ARMC5: variants seen among roughly 807,000 people sequenced by gnomAD.
The protein encoded by ARMC5 is armadillo repeat-containing protein 5.
A neutral mutation model predicts 60.5 loss-of-function variants in ARMC5; 28 were observed. That is an observed-to-expected ratio of 0.46 (90% CI 0.34 to 0.63). The LOEUF is 0.63. Ranked by LOEUF, ARMC5 falls within the 30% of genes least tolerant of loss-of-function variation. The probability of loss-of-function intolerance (pLI) is 0.01; values close to 1 mark genes in which losing one functional copy is unlikely to be tolerated. For synonymous variants in ARMC5, 680 were observed against 607.3 expected (o/e 1.12, Z -1.76); for missense variants, 1,189 against 1,304.9 (o/e 0.91, Z 1.37).
At position 31,464,527 on chromosome 16, in the gene ARMC5, C is replaced by G; in HGVS notation, c.1504C>G (p.Arg502Gly). ...GACCCCGACCTCGCTGCGGGCACCA[C>G]GCACCCAACGCACTCCGGGCCGCAG... ...APTPTSLRAP[R>G]TQRTPGRSPA... Residue 502 changes from arginine (R) to glycine (G), a missense_variant, in exon 4 of 6, where the codon CGC (arginine) becomes GGC (glycine). This residue lies in a region of ARMC5 where 862 missense variants were observed against 1,071.2 expected (regional missense o/e 0.80). Coordinates refer to ENST00000268314, the MANE Select transcript of ARMC5 (RefSeq NM_001105247.2). The surrounding 1 kb of genome is among the most constrained non-coding windows in gnomAD (Gnocchi z 7.6). The G allele has an allele frequency of 6.3e-7, 1 of 1,598,470 alleles. No homozygotes were observed. Among genetic ancestry groups the G allele is most frequent in the Non-Finnish European group, 8.5e-7 (1 of 1,173,560 alleles).
At position 31,466,005 on chromosome 16, in the gene ARMC5, G is replaced by T; in HGVS notation, c.1997+23G>T. ...CCGGTGAGTGGGAAGTGGGTGCCTT[G>T]CGGGGTTGGGGGAGGAGTGCTGTGT... On this transcript the variant is annotated intron_variant, in intron 5 of 5. Coordinates refer to ENST00000268314, the MANE Select transcript of ARMC5 (RefSeq NM_001105247.2). The surrounding 1 kb of genome is among the most constrained non-coding windows in gnomAD (Gnocchi z 8.0). The T allele has an allele frequency of 6.3e-7, 1 of 1,598,284 alleles. No individual in the cohort carries two copies.
chr16:31,466,329 C>T lies in ARMC5; in HGVS notation c.2248C>T (p.Leu750=). 6.2e-7 allele frequency: 1 copy of T among 1,613,760 alleles called. No individual in the cohort carries two copies. The highest frequency in any genetic ancestry group is 8.5e-7 in the Non-Finnish European group (1 of 1,179,870). ...CCCAGCCCCTGTCCCAGCTCCCGACCTGCACTTCCTGCTGGACTCAGGCCT... is the reference window on the plus strand; with the variant it reads ...CCCAGCCCCTGTCCCAGCTCCCGACTTGCACTTCCTGCTGGACTCAGGCCT... The part of the protein sequence containing the change: ...LGPAPVPAPD[L]HFLLDSGLQL... Residue 750 remains leucine (L), a synonymous_variant, in exon 6 of 6, where the codon CTG becomes TTG. Coordinates refer to ENST00000268314, the MANE Select transcript of ARMC5 (RefSeq NM_001105247.2). This position sits in a 1 kb window ranked among gnomAD's most constrained non-coding sequence, Gnocchi z 8.0.
At chr16:31,463,163 A>G (rs2082320342) in intron 3 of ARMC5, among the ~76,000 whole-genome samples, 1 of 151,260 alleles carries the variant, frequency 6.6e-6, no homozygotes, top group African/African-American at 2.4e-5. Context: ...CAGTGGTGCC[A>G]TCTCCACTCA....
intron 1 of ARMC5, among the ~76,000 whole-genome samples, chr16:31,461,710 G>A (rs1467536755): frequency 6.6e-6 from 1 of 152,174 alleles, no homozygotes; most frequent in East Asian, 1.9e-4. Context: ...GTTTGGCCCC[G>A]TTGGCCAGGC....
upstream of ARMC5, chr16:31,458,422 G>A (rs115527944): frequency 2.3e-3 from 3,579 of 1,535,716 alleles, 68 homozygotes; most frequent in African/African-American, 0.039. Context: ...GCAGGAGTAC[G>A]GCTTTTCACC....
At chr16:31,459,060 T>A, upstream of ARMC5, 1 of 1,502,428 alleles carries the variant, frequency 6.7e-7, no homozygotes, top group Non-Finnish European at 8.9e-7. Context: ...TCGGCCCGGC[T>A]CGGGGTTCTC....
chr16:31,462,510 T>G lies in ARMC5; in HGVS notation c.963T>G (p.Ala321=). The change falls in exon 3 of 6, where the codon GCT becomes GCG. Residue 321 remains alanine (A), a synonymous_variant. Transcript: ENST00000268314. The surrounding 1 kb of genome is among the most constrained non-coding windows in gnomAD (Gnocchi z 7.2). Reference sequence around the variant, plus strand: ...TGATTCGGCCTGCACTGGGCAATGCTGGTGGCGTGGAGGTGCTGGTAGATG... The same window carrying G: ...TGATTCGGCCTGCACTGGGCAATGCGGGTGGCGTGGAGGTGCTGGTAGATG... The part of the protein sequence containing the change: ...QGLIRPALGN[A]GGVEVLVDEL... The G allele has an allele frequency of 1.2e-6, 2 of 1,611,562 alleles. No homozygotes were observed. The highest frequency in any genetic ancestry group is 1.7e-6 in the Non-Finnish European group (2 of 1,179,850).
upstream of ARMC5, chr16:31,458,478 G>A: frequency 6.5e-7 from 1 of 1,535,774 alleles, no homozygotes; most frequent in South Asian, 1.2e-5. Flanking sequence ...CACATCGGAA[G>A]CTTCTGCCAT....
chr16:31,466,468 C>A lies in ARMC5; in HGVS notation c.2387C>A (p.Ser796Ter). Residue 796 changes from serine to a stop codon, truncating the protein, a stop_gained, in exon 6 of 6, where the codon TCG becomes TAG. Transcript: ENST00000268314. LOFTEE classifies it high-confidence loss of function. The surrounding 1 kb of genome is among the most constrained non-coding windows in gnomAD (Gnocchi z 8.0). Reference protein sequence around the residue: ...QMDLVPLRGLSPGAAWPVLHH... With the variant: ...QMDLVPLRGL ...GACCTGGTGCCCCTGCGAGGTCTGT[C>A]GCCTGGTGCAGCCTGGCCTGTCCTG... 6.2e-7 allele frequency: 1 copy of A among 1,611,574 alleles called. No homozygotes were observed.
upstream of ARMC5, chr16:31,458,535 G>A (rs1362643427): frequency 6.5e-7 from 1 of 1,529,628 alleles, no homozygotes; most frequent in Admixed American, 2.0e-5. Context: ...TGCCTTGGTG[G>A]TGAATGAAGC....
chr16:31,464,514 G>A lies in ARMC5; in HGVS notation c.1491G>A (p.Ser497=), dbSNP rs767370525. Reference sequence around the variant, plus strand: ...CCAGCCCCGCCCCGACCCCGACCTCGCTGCGGGCACCACGCACCCAACGCA... The same window carrying A: ...CCAGCCCCGCCCCGACCCCGACCTCACTGCGGGCACCACGCACCCAACGCA... ...EPASPAPTPT[S]LRAPRTQRTP... The change falls in exon 4 of 6, where the codon TCG becomes TCA. Residue 497 remains serine (S), a synonymous_variant. Coordinates refer to ENST00000268314, the MANE Select transcript of ARMC5 (RefSeq NM_001105247.2). The surrounding 1 kb of genome is among the most constrained non-coding windows in gnomAD (Gnocchi z 7.6). 7.2e-5 allele frequency: 115 copies of A among 1,603,920 alleles called. 2 individuals are homozygous for A. Among genetic ancestry groups the A allele is most frequent in the Middle Eastern group, 6.6e-4 (4 of 6,044 alleles).
At chr16:31,465,395 C>T in intron 4 of ARMC5, 1 of 1,243,860 alleles carries the variant, frequency 8.0e-7, no homozygotes, top group Admixed American at 3.3e-5. Flanking sequence ...TCACACCTCA[C>T]TATGTCCCCT....
chr16:31,458,586 G>T (rs1596598091), upstream of ARMC5: 1 of 1,471,156 alleles, frequency 6.8e-7, no homozygotes, highest in East Asian at 2.5e-5. Context: ...TCCGGCACTC[G>T]CAGGTTTTGG....
chr16:31,466,822 G>A lies in ARMC5; in HGVS notation c.2741G>A (p.Gly914Glu), dbSNP rs1282375348. Residue 914 changes from glycine to glutamate, a missense_variant, in exon 6 of 6, where the codon GGG becomes GAG. This residue lies in a region of ARMC5 where 862 missense variants were observed against 1,071.2 expected (regional missense o/e 0.80). Coordinates refer to ENST00000268314, the MANE Select transcript of ARMC5 (RefSeq NM_001105247.2). This position sits in a 1 kb window ranked among gnomAD's most constrained non-coding sequence, Gnocchi z 8.0. ...GLVEAAGEEA[G>E]PLTEALLAVV... ...GTGGAGGCAGCAGGTGAAGAGGCAG[G>A]GCCCCTGACGGAGGCTTTGCTGGCT... 6 of 1,595,164 alleles carry A rather than the reference G, an allele frequency of 3.8e-6. No homozygotes were observed. The African/African-American group carries it at 6.7e-5, about 18-fold the overall frequency.
upstream of ARMC5, chr16:31,458,313 C>A: frequency 8.0e-7 from 1 of 1,251,534 alleles, no homozygotes; most frequent in Non-Finnish European, 1.1e-6. Flanking sequence ...AGGCTTTTAG[C>A]GGTGTGAGCG....
rs953460175 is a variant in ARMC5, at chr16:31,464,916, G to A, written c.1864+29G>A. On this transcript the variant is annotated intron_variant, in intron 4 of 5. Coordinates refer to ENST00000268314, the MANE Select transcript of ARMC5 (RefSeq NM_001105247.2). This position sits in a 1 kb window ranked among gnomAD's most constrained non-coding sequence, Gnocchi z 7.6. ...AGTTCCCATACCCACCCGTCTCCTT[G>A]CCCCCATGTGAGTCCCCATCCTCCC... The A allele has an allele frequency of 3.1e-6, 5 of 1,609,606 alleles. No individual in the cohort carries two copies. Among genetic ancestry groups the A allele is most frequent in the Non-Finnish European group, 4.2e-6 (5 of 1,179,296 alleles).
chr16:31,464,318 A>G lies in ARMC5; in HGVS notation c.1371-76A>G. ...AAAAAAAAAAAAAAAAAAAAAAAAGACGCCTCACGCCTCTTGGACTCTGCC... is the reference window on the plus strand; with the variant it reads ...AAAAAAAAAAAAAAAAAAAAAAAAGGCGCCTCACGCCTCTTGGACTCTGCC... On this transcript the variant is annotated intron_variant, in intron 3 of 5. Coordinates refer to ENST00000268314, the MANE Select transcript of ARMC5 (RefSeq NM_001105247.2). The surrounding 1 kb of genome is among the most constrained non-coding windows in gnomAD (Gnocchi z 7.6). 1.3e-6 allele frequency: 1 copy of G among 754,558 alleles called. No individual in the cohort carries two copies. The allele number at this position is 754,558 out of a possible 1,614,324, so 46.7% of individuals were successfully genotyped here.
In ARMC5 at chr16:31,464,580, G is replaced by T; in HGVS notation, c.1557G>T (p.Trp519Cys). Residue 519 changes from tryptophan to cysteine, a missense_variant, in exon 4 of 6, where the codon TGG (tryptophan) becomes TGT (cysteine). By Grantham distance (215) the Trp-to-Cys change is radical. This residue lies in a region of ARMC5 where 862 missense variants were observed against 1,071.2 expected (regional missense o/e 0.80). Transcript: ENST00000268314. The surrounding 1 kb of genome is among the most constrained non-coding windows in gnomAD (Gnocchi z 7.6). ...RSPAAAIEEP[W>C]GREGPALLLL... ...CCGCCGCCGCCATCGAGGAGCCTTG[G>T]GGACGCGAAGGGCCAGCCCTGCTGC... 1 of 1,583,174 alleles carries T rather than the reference G, an allele frequency of 6.3e-7. No homozygotes were observed. The highest frequency in any genetic ancestry group is 2.3e-5 in the East Asian group (1 of 43,422).
At chr16:31,458,669 G>A (rs759478677), upstream of ARMC5, 40 of 1,446,716 alleles carry the variant, frequency 2.8e-5, no homozygotes, top group Non-Finnish European at 3.5e-5. Context: ...TTCCGGGCGG[G>A]CAGCTGCCCC....
Sources: gnomAD v4.1 joint callset for allele counts (sites outside exome capture counted in the v4.1 genomes callset) on GRCh38, gnomAD v4.1.1 for gene constraint, gnomAD v4.1.1 regional missense constraint, Gnocchi (gnomAD v3.1) non-coding constraint, MANE v1.5 for transcripts, NCBI Gene and HGNC (gene_info 2026-07-23, HGNC 2026-07-21) for gene names.